The following ADAMTS19 variants were observed in gnomAD, a reference collection of about 807,000 sequenced individuals.
ADAMTS19 encodes A disintegrin and metalloproteinase with thrombospondin motifs 19.
Under a neutral mutation model 153.3 loss-of-function variants are expected in ADAMTS19, and 93 were observed. The ratio of observed to expected loss-of-function variants is 0.61; its 90% CI spans 0.51 to 0.72. The LOEUF (loss-of-function observed/expected upper bound fraction) is 0.72, where lower values mean the gene tolerates loss of function less well. Ranked by LOEUF, ADAMTS19 falls within the 30% of genes least tolerant of loss-of-function variation. The pLI, the probability that ADAMTS19 is intolerant of heterozygous loss-of-function variation, is 0.00. For synonymous variants in ADAMTS19, 600 were observed against 556.6 expected (o/e 1.08, Z -1.10); for missense variants, 1,482 against 1,552.1 (o/e 0.95, Z 0.76).
intron 3 of ADAMTS19, among the ~76,000 whole-genome samples, chr5:129,512,349 T>G (rs1403048863): frequency 1.3e-5 from 2 of 152,050 alleles, no homozygotes; most frequent in Non-Finnish European, 2.9e-5. Context: ...GAACACACAC[T>G]GAGTACTGGT....
chr5:129,607,089 G>A (rs1038308447), intron 8 of ADAMTS19, among the ~76,000 whole-genome samples: 5 of 151,878 alleles, frequency 3.3e-5, no homozygotes, highest in African/African-American at 1.2e-4. Context: ...AGCTAATTTT[G>A]TATTTTTAGT....
chr5:129,513,618 A>G (rs968826193), intron 3 of ADAMTS19, among the ~76,000 whole-genome samples: 6 of 152,010 alleles, frequency 3.9e-5, no homozygotes, highest in African/African-American at 1.4e-4. Context: ...GGTAGATAGT[A>G]TTTGTATCCT....
At chr5:129,540,540 A>G (rs148634454) in intron 6 of ADAMTS19, among the ~76,000 whole-genome samples, 59 of 152,138 alleles carry the variant, frequency 3.9e-4, no homozygotes, top group African/African-American at 1.3e-3. Flanking sequence ...TGCCTTTCCT[A>G]TTTGCAGAAA....
At chr5:129,730,866 A>C (rs1757410499) in intron 21 of ADAMTS19, among the ~76,000 whole-genome samples, 1 of 152,178 alleles carries the variant, frequency 6.6e-6, no homozygotes, top group Non-Finnish European at 1.5e-5. Flanking sequence ...AAATATGCAT[A>C]GGTAGTTAGG....
At chr5:129,468,742 CT>C (rs1749961714) in intron 2 of ADAMTS19, among the ~76,000 whole-genome samples, 1 of 151,918 alleles carries the variant, frequency 6.6e-6, no homozygotes, top group Non-Finnish European at 1.5e-5. Context: ...TTCTCATTTC[CT>C]TTCCTGTAGA....
intron 6 of ADAMTS19, among the ~76,000 whole-genome samples, chr5:129,545,494 T>G (rs539016099): frequency 6.6e-6 from 1 of 152,182 alleles, no homozygotes; most frequent in Non-Finnish European, 1.5e-5. Flanking sequence ...AGGGATTAAC[T>G]AAATAGATAA....
chr5:129,694,326 G>A (rs1468376302), intron 18 of ADAMTS19, among the ~76,000 whole-genome samples: 2 of 152,080 alleles, frequency 1.3e-5, no homozygotes, highest in African/African-American at 2.4e-5. Context: ...TAACAAACCT[G>A]CAGGTGTACC....
At chr5:129,647,399 A>AT (rs537400191) in intron 11 of ADAMTS19, among the ~76,000 whole-genome samples, 37 of 151,916 alleles carry the variant, frequency 2.4e-4, no homozygotes, top group Non-Finnish European at 5.1e-4. Flanking sequence ...TATTACTCTG[A>AT]TTTTTTTGTC....
chr5:129,643,392 AAAAAAGAAAAT>A (rs1251221730), intron 11 of ADAMTS19, among the ~76,000 whole-genome samples: 126 of 150,986 alleles, frequency 8.3e-4, no homozygotes, highest in Non-Finnish European at 1.4e-3. Context: ...AAAAAGAAAA[AAAAAAGAAAAT>A]ATAAACACAA....
intron 7 of ADAMTS19, among the ~76,000 whole-genome samples, chr5:129,559,377 A>C (rs757387076): frequency 2.6e-5 from 4 of 152,100 alleles, no homozygotes; most frequent in Non-Finnish European, 4.4e-5. Context: ...AAGATAATAC[A>C]TCAAGGGTGA....
In ADAMTS19 at chr5:129,615,475, TG is replaced by T. The variant is rs1223138634; in HGVS notation, c.1479-5138del. Among the ~76,000 whole-genome samples the T allele has an allele frequency of 6.6e-5, 10 of 152,144 alleles. 1 individual carries two copies. Among genetic ancestry groups the T allele is most frequent in the African/African-American group, 2.4e-4 (10 of 41,552 alleles). The stretch of plus-strand genomic sequence containing the variant: ...CTCTAAATATTCTATTTTAATTCGT[TG>T]GGGGCAGGCCCATGAATCTGCATTT... On this transcript the variant is annotated intron_variant, in intron 8 of 22. Coordinates refer to ENST00000274487, the MANE Select transcript of ADAMTS19 (RefSeq NM_133638.6).
rs780557550 is a variant in ADAMTS19 at position 129,461,667 on chromosome 5, C to T, written c.657C>T (p.Pro219=). 1.9e-6 allele frequency: 3 copies of T among 1,583,608 alleles called. No homozygotes were observed. The highest frequency in any genetic ancestry group is 3.5e-5 in the Admixed American group (2 of 57,746). Residue 219 remains proline (P), a synonymous_variant, in exon 2 of 23, where the codon CCC becomes CCT. Coordinates refer to ENST00000274487, the MANE Select transcript of ADAMTS19 (RefSeq NM_133638.6). This position sits in a 1 kb window ranked among gnomAD's most constrained non-coding sequence, Gnocchi z 4.6. The stretch of plus-strand genomic sequence containing the variant: ...GGGCAGCATCCGCCCCGCAACCTCC[C>T]GCGCCACCAGACGCAGGCTGCTTCT... The part of the protein sequence containing the change: ...PTGAASAPQP[P]APPDAGCFYT...
At chr5:129,723,125 T>A (rs1757070470) in intron 21 of ADAMTS19, among the ~76,000 whole-genome samples, 1 of 152,196 alleles carries the variant, frequency 6.6e-6, no homozygotes, top group Admixed American at 6.5e-5. Flanking sequence ...TTAGTAGATA[T>A]AATTTTATAA....
rs887911018 is a variant in ADAMTS19 at position 129,567,751 on chromosome 5, G to GA, written c.1372+15854dup. 4.7e-3 allele frequency among the ~76,000 whole-genome samples: 690 copies of GA among 146,266 alleles called. 4 individuals are homozygous for GA. Among genetic ancestry groups the GA allele is most frequent in the African/African-American group, 0.014 (575 of 40,090 alleles). ...GTAGTTATCATGGGCTCCAGGAGAAGAAAAAAAAAATATGACTGAAGACTT... is the reference window on the plus strand; with the variant it reads ...GTAGTTATCATGGGCTCCAGGAGAAGAAAAAAAAAAATATGACTGAAGACTT... On this transcript the variant is annotated intron_variant, in intron 7 of 22. Coordinates refer to ENST00000274487, the MANE Select transcript of ADAMTS19 (RefSeq NM_133638.6).
chr5:129,567,595 C>T (rs1753761437), intron 7 of ADAMTS19, among the ~76,000 whole-genome samples: 2 of 152,028 alleles, frequency 1.3e-5, no homozygotes, highest in South Asian at 4.2e-4. Context: ...CGGCATGGAG[C>T]TGACTGAGAA....
intron 6 of ADAMTS19, among the ~76,000 whole-genome samples, chr5:129,543,583 T>C (rs542072435): frequency 2.0e-5 from 3 of 152,316 alleles, no homozygotes; most frequent in African/African-American, 7.2e-5. Context: ...GCAGCAGGCC[T>C]TCTTTAGAGC....
intron 7 of ADAMTS19, among the ~76,000 whole-genome samples, chr5:129,565,935 G>GT (rs1450560552): frequency 2.0e-5 from 3 of 151,934 alleles, no homozygotes; most frequent in South Asian, 4.2e-4. Context: ...TGGCAAATCT[G>GT]TTTTTTTCCT....
At chr5:129,649,636 C>T (rs903948695) in intron 13 of ADAMTS19, among the ~76,000 whole-genome samples, 4 of 151,628 alleles carry the variant, frequency 2.6e-5, no homozygotes, top group Admixed American at 1.3e-4. Context: ...TGAATAGTTT[C>T]AGACCTTGAT....
At chr5:129,476,641 C>T (rs1328746545) in intron 2 of ADAMTS19, among the ~76,000 whole-genome samples, 2 of 152,134 alleles carry the variant, frequency 1.3e-5, no homozygotes, top group African/African-American at 4.8e-5. Flanking sequence ...AAACCAATAT[C>T]TCCTCTCTGG....
Sources: gnomAD v4.1 joint callset for allele counts (sites outside exome capture counted in the v4.1 genomes callset) on GRCh38, gnomAD v4.1.1 for gene constraint, Gnocchi (gnomAD v3.1) non-coding constraint, MANE v1.5 for transcripts, NCBI Gene and HGNC (gene_info 2026-07-23, HGNC 2026-07-21) for gene names.